The following SPAST variants were observed in gnomAD, a reference collection of about 807,000 sequenced individuals.
SPAST encodes the protein spastin, also known as spastic paraplegia 4 (autosomal dominant; spastin).
Under a neutral mutation model 76.6 loss-of-function variants are expected in SPAST, and 30 were observed. That is an observed-to-expected ratio of 0.39 (90% CI 0.29 to 0.53). The LOEUF (loss-of-function observed/expected upper bound fraction) is 0.53. SPAST is among the 20% of genes least tolerant of loss of function. The probability of loss-of-function intolerance (pLI) is 0.68; values close to 1 mark genes in which losing one functional copy is unlikely to be tolerated. For synonymous variants in SPAST, 305 were observed against 281.0 expected (o/e 1.09, Z -0.86); for missense variants, 717 against 770.5 (o/e 0.93, Z 0.82).
At position 32,063,752 on chromosome 2, in the gene SPAST, A is replaced by C. The variant is rs1053659176; in HGVS notation, c.-80A>C. 1 of 1,518,208 alleles carries C rather than the reference A, an allele frequency of 6.6e-7. No homozygotes were observed. Among genetic ancestry groups the C allele is most frequent in the African/African-American group, 1.4e-5 (1 of 72,384 alleles). The allele number at this position is 1,518,208 out of a possible 1,614,324, so 94.0% of individuals were successfully genotyped here. A position where few individuals can be genotyped will look rare whatever the true frequency, so the allele number is the denominator to read the frequency against. On this transcript the variant is annotated 5_prime_UTR_variant, in exon 1 of 17. Transcript: ENST00000315285. ...CACGGGGGTCTGTGGCCCCCGCCGT[A>C]GCAGTGGCTGCCGCCGTCGCTTGGT...
At chr2:32,121,432 C>G (rs1298491087) in intron 7 of SPAST, among the ~76,000 whole-genome samples, 1 of 151,484 alleles carries the variant, frequency 6.6e-6, no homozygotes, top group Admixed American at 6.6e-5. Flanking sequence ...TGAGCCACTG[C>G]GCCCAGCCCC....
intron 1 of SPAST, among the ~76,000 whole-genome samples, chr2:32,065,018 GCTAA>G (rs1676453002): frequency 6.6e-6 from 1 of 151,782 alleles, no homozygotes; most frequent in South Asian, 2.1e-4. Flanking sequence ...TTTCTTTTAA[GCTAA>G]CTTTTTTTTT....
chr2:32,151,973 A>G (rs1680100158), intron 16 of SPAST, among the ~76,000 whole-genome samples: 1 of 152,114 alleles, frequency 6.6e-6, no homozygotes, highest in Non-Finnish European at 1.5e-5. Context: ...AGAAGTTCAA[A>G]TAATTGGTTT....
rs1162817708 is a variant in SPAST, at chr2:32,080,783, C to CTTTTTTTTT, written c.416-6688_416-6680dup. Among the ~76,000 whole-genome samples the CTTTTTTTTT allele has an allele frequency of 4.7e-4, 23 of 48,450 alleles. 4 individuals are homozygous for CTTTTTTTTT. Among genetic ancestry groups the CTTTTTTTTT allele is most frequent in the East Asian group, 1.5e-3 (2 of 1,344 alleles). 31.8% of individuals were successfully genotyped at this position (48,450 alleles called of 152,430 possible). A position where few individuals can be genotyped will look rare whatever the true frequency, so the allele number is the denominator to read the frequency against. ...AGTTCTTGTATGGTCTGGCTCAGTT[C>CTTTTTTTTT]TTTTTTTTTTTTTTTTTTTTTTTTT... On this transcript the variant is annotated intron_variant, in intron 1 of 16. Coordinates refer to ENST00000315285, the MANE Select transcript of SPAST (RefSeq NM_014946.4).
chr2:32,150,598 C>G (rs1680052212), intron 16 of SPAST, among the ~76,000 whole-genome samples: 1 of 151,544 alleles, frequency 6.6e-6, no homozygotes, highest in African/African-American at 2.4e-5. Context: ...CCACCACACT[C>G]AGCTAAATTT....
chr2:32,065,556 T>C (rs1388960600), intron 1 of SPAST, among the ~76,000 whole-genome samples: 2 of 152,188 alleles, frequency 1.3e-5, no homozygotes, highest in African/African-American at 4.8e-5. Context: ...GAAATTTCTT[T>C]TATGGAAAAT....
At chr2:32,102,930 T>C (rs1411234961) in intron 4 of SPAST, among the ~76,000 whole-genome samples, 1 of 152,216 alleles carries the variant, frequency 6.6e-6, no homozygotes, top group Non-Finnish European at 1.5e-5. Context: ...TCTAAAATTC[T>C]CTTTGTTGTG....
intron 3 of SPAST, among the ~76,000 whole-genome samples, chr2:32,092,769 A>G (rs1342657629): frequency 1.3e-5 from 2 of 152,128 alleles, no homozygotes; most frequent in African/African-American, 4.8e-5. Flanking sequence ...GCACTTTGGG[A>G]GGCCAAGGTG....
chr2:32,142,293 A>C (rs1028853076), intron 13 of SPAST, among the ~76,000 whole-genome samples: 2 of 152,222 alleles, frequency 1.3e-5, no homozygotes, highest in African/African-American at 4.8e-5. Context: ...CATGCTGCAT[A>C]CTCACTTCAT....
intron 4 of SPAST, among the ~76,000 whole-genome samples, chr2:32,103,470 T>G (rs1678202748): frequency 6.6e-6 from 1 of 152,104 alleles, no homozygotes; most frequent in Non-Finnish European, 1.5e-5. Context: ...ATCTCCTTCA[T>G]TTCTGCTCTG....
chr2:32,078,401 C>T (rs922173947), intron 1 of SPAST, among the ~76,000 whole-genome samples: 2 of 152,152 alleles, frequency 1.3e-5, no homozygotes, highest in African/African-American at 4.8e-5. Context: ...GTCTCGAACG[C>T]CTAGCCTCAA....
At chr2:32,128,115 T>G in intron 8 of SPAST, 1 of 359,700 alleles carries the variant, frequency 2.8e-6, no homozygotes, top group Non-Finnish European at 5.2e-6. Context: ...CCACGTCAGC[T>G]TCCTGAGTAG....
chr2:32,143,306 A>G (rs761575434), intron 13 of SPAST, 30 bp from the exon 14 acceptor site: 3 of 1,242,502 alleles, frequency 2.4e-6, no homozygotes, highest in Non-Finnish European at 3.5e-6. Context: ...CTGAAATTAG[A>G]CTGAATGATC....
At chr2:32,128,273 G>T (rs1679259843) in intron 8 of SPAST, 135 bp from the exon 9 acceptor site, 1 of 688,830 alleles carries the variant, frequency 1.5e-6, no homozygotes, top group Non-Finnish European at 2.5e-6. Flanking sequence ...GGGATTACAG[G>T]CATGAGCCAC....
intron 15 of SPAST, among the ~76,000 whole-genome samples, chr2:32,146,711 A>G (rs905285355): frequency 2.0e-5 from 3 of 151,996 alleles, no homozygotes; most frequent in Admixed American, 2.0e-4. Flanking sequence ...CTGAAAATAC[A>G]AAAATTAGCC....
Position 32,103,370 on chromosome 2 carries a change from A to AGCAT in SPAST, c.682+4480_682+4481insCATG, listed in dbSNP as rs1678198460. Among the ~76,000 whole-genome samples, 3 of 151,814 alleles carry AGCAT rather than the reference A, an allele frequency of 2.0e-5. No homozygotes were observed. In the East Asian group the frequency reaches 5.8e-4, roughly 29 times the overall value. On this transcript the variant is annotated intron_variant, in intron 4 of 16. Transcript: ENST00000315285. ...ATTCTTCTCTCTTTTCTTCTTTATT[A>AGCAT]GTCTTGGTAGCAGTCTATCAGTTTT...
At chr2:32,071,063 A>G (rs1334258760) in intron 1 of SPAST, among the ~76,000 whole-genome samples, 2 of 152,118 alleles carry the variant, frequency 1.3e-5, no homozygotes, top group African/African-American at 2.4e-5. Context: ...AGGAAAAGAG[A>G]AGGTTGTAAT....
chr2:32,069,244 A>G (rs958986780), intron 1 of SPAST, among the ~76,000 whole-genome samples: 2 of 150,918 alleles, frequency 1.3e-5, no homozygotes, highest in African/African-American at 4.9e-5. Context: ...AACTGAGTTT[A>G]TATTGTTATG....
chr2:32,110,571 G>C (rs1678527068), intron 4 of SPAST, among the ~76,000 whole-genome samples: 2 of 89,240 alleles, frequency 2.2e-5, no homozygotes, highest in African/African-American at 4.7e-5. Context: ...TGTATATATA[G>C]TATATATATA....
Sources: allele counts gnomAD v4.1 joint callset (sites outside exome capture counted in the v4.1 genomes callset), GRCh38; gene constraint gnomAD v4.1.1; transcripts MANE v1.5; gene names NCBI Gene and HGNC (gene_info 2026-07-23, HGNC 2026-07-21).